The following CTNNA3 variants were observed in gnomAD, a reference collection of about 807,000 sequenced individuals.
CTNNA3 encodes the protein catenin alpha 3.
In CTNNA3, 76 loss-of-function variants were observed where a neutral mutation model predicts 95.7. The ratio of observed to expected loss-of-function variants is 0.79; its 90% CI spans 0.66 to 0.96. CTNNA3 has a LOEUF of 0.96. Ranked by LOEUF, CTNNA3 falls within the 40% of genes least tolerant of loss-of-function variation. The pLI is 0.00. For synonymous variants in CTNNA3, 431 were observed against 374.4 expected, an observed-to-expected ratio of 1.15 and a Z score of -1.74; for missense variants, 1,191 against 1,089.8, an observed-to-expected ratio of 1.09 and a Z score of -1.31.
Position 67,644,678 on chromosome 10 carries a change from A to C in CTNNA3, c.99+2737T>G, listed in dbSNP as rs985566515. Among the ~76,000 whole-genome samples the C allele has an allele frequency of 2.0e-5, 3 of 152,026 alleles. No homozygotes were observed. The South Asian group carries it at 6.2e-4, about 31-fold the overall frequency. The stretch of plus-strand genomic sequence containing the variant: ...ATAAGGAGAATCCCATTATTAAAAA[A>C]ACAAGAGTGTATACAAATAATTTAG... On this transcript the variant is annotated intron_variant, in intron 2 of 17. Transcript: ENST00000433211.
At chr10:66,194,137 T>C (rs1158712680) in intron 13 of CTNNA3, among the ~76,000 whole-genome samples, 2 of 152,132 alleles carry the variant, frequency 1.3e-5, no homozygotes, top group African/African-American at 4.8e-5. Flanking sequence ...GGCCACAGAT[T>C]TGGGCCACAT....
intron 2 of CTNNA3, among the ~76,000 whole-genome samples, chr10:67,613,692 C>A (rs544636556): frequency 2.0e-5 from 3 of 152,282 alleles, no homozygotes; most frequent in Non-Finnish European, 4.4e-5. Context: ...AGAGCTGGCA[C>A]ATCCTTTTTA....
intron 7 of CTNNA3, among the ~76,000 whole-genome samples, chr10:67,175,015 G>T (rs1392480572): frequency 2.8e-5 from 4 of 145,008 alleles, no homozygotes; most frequent in South Asian, 2.1e-4. Context: ...AAAATGTAAA[G>T]CATCTAGTAC....
At chr10:66,228,945 T>C (rs961611364) in intron 13 of CTNNA3, among the ~76,000 whole-genome samples, 1 of 152,180 alleles carries the variant, frequency 6.6e-6, no homozygotes, top group African/African-American at 2.4e-5. Flanking sequence ...GATATAAGTA[T>C]AGCTACTTCT....
intron 5 of CTNNA3, among the ~76,000 whole-genome samples, chr10:67,306,109 C>A (rs1288177973): frequency 1.3e-5 from 2 of 151,890 alleles, no homozygotes; most frequent in African/African-American, 4.8e-5. Flanking sequence ...AAAGCAGGTG[C>A]AAATTTCTCT....
At chr10:67,244,629 T>G (rs570746125) in intron 5 of CTNNA3, among the ~76,000 whole-genome samples, 33 of 152,300 alleles carry the variant, frequency 2.2e-4, no homozygotes, top group Non-Finnish European at 3.1e-4. Context: ...GATAATGATA[T>G]GCTAAAATAA....
intron 6 of CTNNA3, among the ~76,000 whole-genome samples, chr10:67,185,540 C>G (rs920065309): frequency 1.3e-5 from 2 of 151,950 alleles, no homozygotes; most frequent in African/African-American, 4.8e-5. Context: ...GCAAATTTAA[C>G]ATTTCTTTTT....
At chr10:67,585,289 T>A (rs1208004225) in intron 3 of CTNNA3, among the ~76,000 whole-genome samples, 1 of 152,230 alleles carries the variant, frequency 6.6e-6, no homozygotes, top group African/African-American at 2.4e-5. Flanking sequence ...TCAGGGATAA[T>A]GATCTGTTTT....
intron 7 of CTNNA3, among the ~76,000 whole-genome samples, chr10:66,976,063 C>T (rs541875025): frequency 1.3e-5 from 2 of 152,216 alleles, no homozygotes; most frequent in Admixed American, 1.3e-4. Flanking sequence ...AGTTAGTCCA[C>T]AAAATTTTGT....
chr10:67,699,903 T>C (rs1041951809), upstream of CTNNA3, among the ~76,000 whole-genome samples: 3 of 152,174 alleles, frequency 2.0e-5, no homozygotes, highest in South Asian at 6.2e-4. Flanking sequence ...ACCTGGAAAA[T>C]CGGGTCACTC....
At chr10:67,277,655 C>T (rs1439449032) in intron 5 of CTNNA3, among the ~76,000 whole-genome samples, 1 of 152,074 alleles carries the variant, frequency 6.6e-6, no homozygotes, top group Non-Finnish European at 1.5e-5. Flanking sequence ...GCTGATAAAA[C>T]AGATTGGGGT....
intron 7 of CTNNA3, among the ~76,000 whole-genome samples, chr10:66,970,578 A>G (rs1260034003): frequency 6.6e-6 from 1 of 152,082 alleles, no homozygotes; most frequent in Non-Finnish European, 1.5e-5. Context: ...AATAATGCCA[A>G]GAAAATACAT....
chr10:67,315,116 T>A (rs1589156722), intron 5 of CTNNA3, among the ~76,000 whole-genome samples: 1 of 152,362 alleles, frequency 6.6e-6, no homozygotes, highest in East Asian at 1.9e-4. Context: ...CTTTTCTCCA[T>A]CTGTACTATC....
At chr10:66,250,512 A>G (rs540019434) in intron 13 of CTNNA3, among the ~76,000 whole-genome samples, 1 of 152,322 alleles carries the variant, frequency 6.6e-6, no homozygotes, top group South Asian at 2.1e-4. Context: ...TTACATGCCT[A>G]TATCAAAGTA....
At chr10:67,597,768 G>A (rs774960285) in intron 3 of CTNNA3, among the ~76,000 whole-genome samples, 1 of 152,220 alleles carries the variant, frequency 6.6e-6, no homozygotes, top group South Asian at 2.1e-4. Flanking sequence ...GGTGGGGGCT[G>A]TGCATGCACA....
chr10:67,048,169 G>T (rs1484076805), intron 7 of CTNNA3, among the ~76,000 whole-genome samples: 2 of 152,038 alleles, frequency 1.3e-5, no homozygotes, highest in Non-Finnish European at 2.9e-5. Flanking sequence ...CCCCTGCCAT[G>T]TTCATGAGGT....
In CTNNA3 at chr10:66,682,544, T is replaced by C. The variant is rs76927836; in HGVS notation, c.1282-60760A>G. On this transcript the variant is annotated intron_variant, in intron 9 of 17. Transcript: ENST00000433211. The stretch of plus-strand genomic sequence containing the variant: ...TTTGGTACACAAACAACAAATCAAA[T>C]TGAGCAAATTATTTTCTCAGGAGAT... 1.0e-3 allele frequency among the ~76,000 whole-genome samples: 154 copies of C among 152,062 alleles called. 4 individuals are homozygous for C. The East Asian group carries it at 0.027, about 27-fold the overall frequency.
intron 5 of CTNNA3, among the ~76,000 whole-genome samples, chr10:67,419,546 T>C (rs58223894): frequency 0.011 from 1,746 of 152,172 alleles, 37 homozygotes; most frequent in African/African-American, 0.039. Flanking sequence ...GTGTTGATTG[T>C]TTTTTTCCAA....
chr10:67,011,749 T>C (rs1852354408), intron 7 of CTNNA3, among the ~76,000 whole-genome samples: 1 of 152,088 alleles, frequency 6.6e-6, no homozygotes, highest in Non-Finnish European at 1.5e-5. Context: ...TTAATCCTCA[T>C]AATAACCCTA....
Sources: gnomAD v4.1 joint callset for allele counts (sites outside exome capture counted in the v4.1 genomes callset) on GRCh38, gnomAD v4.1.1 for gene constraint, MANE v1.5 for transcripts, NCBI Gene and HGNC (gene_info 2026-07-23, HGNC 2026-07-21) for gene names.